Variants in DLEC1 observed in about 807,000 individuals in gnomAD.
DLEC1 encodes the protein DLEC1 cilia and flagella associated protein.
In DLEC1, 146 loss-of-function variants were observed where a neutral mutation model predicts 198.1. That is an observed-to-expected ratio of 0.74 (90% CI 0.64 to 0.85). DLEC1 has a LOEUF of 0.85. Ranked by LOEUF, DLEC1 falls within the 40% of genes least tolerant of loss-of-function variation. DLEC1 has a pLI of 0.00. For missense variants in DLEC1, 2,233 were observed against 2,220.0 expected (o/e 1.01, Z -0.12); for synonymous variants, 897 against 866.8 (o/e 1.03, Z -0.61).
At chr3:38,077,524 T>A (rs966588805) in intron 6 of DLEC1, among the ~76,000 whole-genome samples, 1 of 152,238 alleles carries the variant, frequency 6.6e-6, no homozygotes, top group Non-Finnish European at 1.5e-5. Flanking sequence ...GTTCTACTTT[T>A]CTTGAAGACA....
intron 6 of DLEC1, among the ~76,000 whole-genome samples, chr3:38,078,647 G>T (rs1419670070): frequency 4.6e-5 from 7 of 152,232 alleles, no homozygotes; most frequent in Admixed American, 4.6e-4. Flanking sequence ...AAGTCTTGCG[G>T]CAGTACAGCC....
chr3:38,122,703 C>T lies in DLEC1; in HGVS notation c.*291C>T. The stretch of plus-strand genomic sequence containing the variant: ...CAAAATTAGTCTTGGAAAAAAACCA[C>T]AGCCACTAAGATAAATTCATGCACT... On this transcript the variant is annotated 3_prime_UTR_variant, in exon 37 of 37. Transcript: ENST00000308059. 1 of 1,390,982 alleles carries T rather than the reference C, an allele frequency of 7.2e-7. No individual in the cohort carries two copies. The highest frequency in any genetic ancestry group is 9.4e-7 in the Non-Finnish European group (1 of 1,066,488). 86.2% of individuals were successfully genotyped at this position (1,390,982 alleles called of 1,614,324 possible). A position where few individuals can be genotyped will look rare whatever the true frequency, so the allele number is the denominator to read the frequency against.
chr3:38,088,392 G>A lies in DLEC1; in HGVS notation c.1665+4G>A. The A allele has an allele frequency of 6.2e-7, 1 of 1,609,288 alleles. No homozygotes were observed. Among genetic ancestry groups the A allele is most frequent in the Non-Finnish European group, 8.5e-7 (1 of 1,176,386 alleles). ...GGGACATGCTATATTAGTGGAGGTAGGTAATCAGACATTGGCATGTATTTC... is the reference window on the plus strand; with the variant it reads ...GGGACATGCTATATTAGTGGAGGTAAGTAATCAGACATTGGCATGTATTTC... On this transcript the variant is annotated splice_donor_region_variant and intron_variant, in intron 10 of 36. Coordinates refer to ENST00000308059, the MANE Select transcript of DLEC1 (RefSeq NM_007335.4).
chr3:38,100,304 G>A lies in DLEC1; in HGVS notation c.2743G>A (p.Glu915Lys). 1 of 1,612,222 alleles carries A rather than the reference G, an allele frequency of 6.2e-7. No individual in the cohort carries two copies. The change falls in exon 19 of 37, where the codon GAG (glutamate) becomes AAG (lysine). Residue 915 changes from glutamate to lysine, a missense_variant. By Grantham distance (56) the Glu-to-Lys change is moderately conservative. Transcript: ENST00000308059. ...RPEDVSPFDIEPSSGQLHSLG... is the reference protein window; with the variant it reads ...RPEDVSPFDIKPSSGQLHSLG... ...GGGGCAGGTGTCTCCCTTCGACATT[G>A]AGCCTTCGAGTGGCCAGCTTCACTC...
chr3:38,063,993 TTTC>T lies in DLEC1; in HGVS notation c.1173+77_1173+79del, dbSNP rs1310294555. The T allele has an allele frequency of 2.8e-6, 3 of 1,064,466 alleles. No individual in the cohort carries two copies. In the African/African-American group the frequency reaches 5.3e-5, roughly 19 times the overall value. The allele number at this position is 1,064,466 out of a possible 1,614,324, so 65.9% of individuals were successfully genotyped here. On this transcript the variant is annotated intron_variant, in intron 6 of 36. Transcript: ENST00000308059. ...TTTAAAAAGTCTTTATTATGGAAAT[TTTC>T]TTTTTTTTTTCTTTTTTTTTTTTTT...
chr3:38,097,075 G>C, intron 15 of DLEC1, 107 bp from the exon 16 acceptor site: 1 of 1,100,800 alleles, frequency 9.1e-7, no homozygotes, highest in Non-Finnish European at 1.3e-6. Context: ...TAGCCGGGAA[G>C]TGTCATATGG....
intron 33 of DLEC1, 107 bp from the exon 34 acceptor site, chr3:38,120,341 G>A (rs750358912): frequency 3.0e-5 from 40 of 1,330,856 alleles, no homozygotes; most frequent in African/African-American, 4.3e-5. Context: ...CTGGGCTGTT[G>A]GCTGGGCAAG....
chr3:38,106,679 C>T (rs1699582305), intron 19 of DLEC1, among the ~76,000 whole-genome samples: 1 of 150,946 alleles, frequency 6.6e-6, no homozygotes, highest in South Asian at 2.1e-4. Context: ...TTTCTTGAAC[C>T]CAGGAGGCAG....
rs780526855 is a variant in DLEC1, at chr3:38,092,896, C to T, written c.1756+16C>T. ...GTGACCATAGGTGGGCTTGAGTGTACTCCCAGGGGCAAGGCTGGAGAGGCT... is the reference window on the plus strand; with the variant it reads ...GTGACCATAGGTGGGCTTGAGTGTATTCCCAGGGGCAAGGCTGGAGAGGCT... On this transcript the variant is annotated intron_variant, in intron 11 of 36. Coordinates refer to ENST00000308059, the MANE Select transcript of DLEC1 (RefSeq NM_007335.4). 1 of 1,613,482 alleles carries T rather than the reference C, an allele frequency of 6.2e-7. No homozygotes were observed. The highest frequency in any genetic ancestry group is 8.5e-7 in the Non-Finnish European group (1 of 1,179,566).
intron 1 of DLEC1, 35 bp downstream of exon 1, chr3:38,039,671 G>A: frequency 6.4e-7 from 1 of 1,558,854 alleles, no homozygotes; most frequent in South Asian, 1.2e-5. Flanking sequence ...TGCGGACGGT[G>A]CCGGGGTCTC....
At chr3:38,119,897 A>T (rs1194556663) in intron 33 of DLEC1, among the ~76,000 whole-genome samples, 2 of 151,602 alleles carry the variant, frequency 1.3e-5, no homozygotes, top group Non-Finnish European at 2.9e-5. Flanking sequence ...CAGACATGTG[A>T]AGGTCTGGGT....
chr3:38,104,900 ATCTT>A (rs1397329116), intron 19 of DLEC1, among the ~76,000 whole-genome samples: 22 of 151,760 alleles, frequency 1.4e-4, no homozygotes, highest in Non-Finnish European at 2.8e-4. Flanking sequence ...TTGATTTGCA[ATCTT>A]TCTTTTTTGT....
intron 2 of DLEC1, among the ~76,000 whole-genome samples, chr3:38,047,950 G>A (rs912635630): frequency 3.3e-5 from 5 of 151,998 alleles, no homozygotes; most frequent in African/African-American, 1.2e-4. Context: ...CCCTTTATTT[G>A]CCAGTGTTTA....
rs1699023188 is a variant in DLEC1, at chr3:38,096,473, T to A, written c.2172-96T>A. On this transcript the variant is annotated intron_variant, in intron 14 of 36. Transcript: ENST00000308059. ...GGAGCTGTGGGTTAGGCAGTGTTTT[T>A]TTTTTCACAAGGCCAAACGTGGGAC... 3 of 1,451,432 alleles carry A rather than the reference T, an allele frequency of 2.1e-6. No homozygotes were observed. The African/African-American group carries it at 4.3e-5, about 21-fold the overall frequency. 89.9% of individuals were successfully genotyped at this position (1,451,432 alleles called of 1,614,324 possible).
chr3:38,095,161 G>A (rs545171430), intron 13 of DLEC1, 90 bp downstream of exon 13: 1 of 1,515,714 alleles, frequency 6.6e-7, no homozygotes. Flanking sequence ...TGAAGCCACA[G>A]CTGGGCCCAC....
intron 4 of DLEC1, 103 bp downstream of exon 4, chr3:38,062,471 A>G: frequency 6.3e-7 from 1 of 1,576,026 alleles, no homozygotes; most frequent in Non-Finnish European, 8.7e-7. Flanking sequence ...TCCATCGCAA[A>G]ATAGAGTAGA....
At chr3:38,067,854 G>T (rs1214073811) in intron 6 of DLEC1, among the ~76,000 whole-genome samples, 4 of 149,664 alleles carry the variant, frequency 2.7e-5, no homozygotes, top group Non-Finnish European at 5.9e-5. Flanking sequence ...TTGGGTTCAA[G>T]CAATTCTCCC....
chr3:38,070,820 C>T (rs545955421), intron 6 of DLEC1, among the ~76,000 whole-genome samples: 5 of 152,088 alleles, frequency 3.3e-5, no homozygotes, highest in Non-Finnish European at 5.9e-5. Flanking sequence ...TCAGTTAAGG[C>T]GGGGCAGGGC....
chr3:38,053,380 T>C (rs2125592163), intron 2 of DLEC1, among the ~76,000 whole-genome samples: 1 of 147,298 alleles, frequency 6.8e-6, no homozygotes, highest in Non-Finnish European at 1.5e-5. Context: ...GTCTGAGATG[T>C]GGGGAGTGCC....
Sources: gnomAD v4.1 joint callset for allele counts (sites outside exome capture counted in the v4.1 genomes callset) on GRCh38, gnomAD v4.1.1 for gene constraint, MANE v1.5 for transcripts, NCBI Gene and HGNC (gene_info 2026-07-23, HGNC 2026-07-21) for gene names.